KLF8: variants seen among roughly 807,000 people sequenced by gnomAD.
KLF8 encodes KLF transcription factor 8, also known as Krueppel-like factor 8.
In KLF8, 10 loss-of-function variants were observed where a neutral mutation model predicts 18.2. The ratio of observed to expected loss-of-function variants is 0.55; its 90% CI spans 0.34 to 0.93. The LOEUF is 0.93. KLF8 is among the 40% of genes least tolerant of loss of function. The probability of loss-of-function intolerance (pLI) is 0.02; values close to 1 mark genes in which losing one functional copy is unlikely to be tolerated. For synonymous variants in KLF8, 109 were observed against 97.3 expected (o/e 1.12, Z -0.71); for missense variants, 264 against 277.9 (o/e 0.95, Z 0.36).
chrX:56,194,034 G>A, the KLF8 span, among the ~76,000 whole-genome samples: 1 of 111,926 alleles, frequency 8.9e-6, no homozygotes, highest in African/African-American at 3.2e-5. Flanking sequence ...TTACCCTGAT[G>A]TGATTACTGT....
At chrX:56,130,178 T>C in the KLF8 span, among the ~76,000 whole-genome samples, 1 of 111,462 alleles carries the variant, frequency 9.0e-6, no homozygotes. Context: ...CTTGAAATCC[T>C]CACCTCCTGG....
upstream of KLF8, among the ~76,000 whole-genome samples, chrX:56,231,308 CTAAG>C (rs1184307866): frequency 3.6e-5 from 4 of 111,759 alleles, no homozygotes; most frequent in South Asian, 7.5e-4. Flanking sequence ...GAAATATCAA[CTAAG>C]TAAGTAGACC....
the KLF8 span, among the ~76,000 whole-genome samples, chrX:56,140,102 A>C: frequency 6.5e-4 from 73 of 112,475 alleles, 1 homozygote; most frequent in East Asian, 0.019. Flanking sequence ...GAAGTCAAAA[A>C]ATAACTGTTG....
In KLF8 at chrX:56,270,247, A is replaced by G. The variant is rs745593957; in HGVS notation, c.824A>G (p.Gln275Arg). 2 of 1,205,611 alleles carry G rather than the reference A, an allele frequency of 1.7e-6. No homozygotes were observed. Among genetic ancestry groups the G allele is most frequent in the East Asian group, 6.0e-5 (2 of 33,589 alleles). Residue 275 changes from glutamine to arginine, a missense_variant, in exon 5 of 6, where the codon CAA becomes CGA. Physicochemically the swap from Gln to Arg is conservative, Grantham distance 43 (BLOSUM62 1). This residue lies in a region of KLF8 where 43 missense variants were observed against 84.3 expected (regional missense o/e 0.51). Coordinates refer to ENST00000468660, the MANE Select transcript of KLF8 (RefSeq NM_007250.5). ...SLDLKRRRIH[Q>R]CDFAGCSKVY... ...GACTTGAAGAGAAGACGGATTCACC[A>G]ATGTGACTTTGCAGGATGCAGCAAA...
chrX:56,064,577 A>G, the KLF8 span, among the ~76,000 whole-genome samples: 3 of 110,898 alleles, frequency 2.7e-5, no homozygotes, highest in Non-Finnish European at 5.7e-5. Flanking sequence ...TCGTTGTTTT[A>G]TATATTCTTT....
chrX:55,998,525 A>C, the KLF8 span, among the ~76,000 whole-genome samples: 1 of 112,537 alleles, frequency 8.9e-6, no homozygotes. Flanking sequence ...GCATCTGTTT[A>C]ACAAAGCACA....
At chrX:55,966,329 A>T in the KLF8 span, among the ~76,000 whole-genome samples, 1 of 112,284 alleles carries the variant, frequency 8.9e-6, no homozygotes, top group Admixed American at 9.4e-5. Context: ...TGCTGGCTTC[A>T]GGTCTGTCCC....
At chrX:56,174,476 T>C in the KLF8 span, among the ~76,000 whole-genome samples, 7 of 112,078 alleles carry the variant, frequency 6.2e-5, no homozygotes, top group African/African-American at 2.3e-4. Context: ...AGCTTTTTGA[T>C]GTGCTGCTGG....
the KLF8 span, among the ~76,000 whole-genome samples, chrX:55,974,474 T>C: frequency 8.9e-6 from 1 of 111,816 alleles, no homozygotes; most frequent in Non-Finnish European, 1.9e-5. Context: ...AAAATAGAGA[T>C]AGTGTAGGTG....
At chrX:56,199,187 T>A in the KLF8 span, among the ~76,000 whole-genome samples, 1 of 111,946 alleles carries the variant, frequency 8.9e-6, no homozygotes, top group Non-Finnish European at 1.9e-5. Flanking sequence ...TGGCAAGGAC[T>A]TCCTGACTAA....
the KLF8 span, among the ~76,000 whole-genome samples, chrX:56,195,077 G>A: frequency 8.9e-6 from 1 of 111,904 alleles, no homozygotes; most frequent in Middle Eastern, 4.6e-3. Context: ...CCATCTGTAA[G>A]TCACCAACAT....
chrX:55,987,375 G>A, the KLF8 span, among the ~76,000 whole-genome samples: 2 of 109,080 alleles, frequency 1.8e-5, no homozygotes, highest in African/African-American at 6.7e-5. Flanking sequence ...AACAGGCCCC[G>A]GGGTGTGATG....
chrX:56,023,429 A>G, the KLF8 span, among the ~76,000 whole-genome samples: 1 of 112,034 alleles, frequency 8.9e-6, no homozygotes, highest in Non-Finnish European at 1.9e-5. Flanking sequence ...ACAAACAAAG[A>G]CACAAACAGG....
the KLF8 span, among the ~76,000 whole-genome samples, chrX:56,034,122 T>C: frequency 3.6e-5 from 4 of 112,306 alleles, no homozygotes; most frequent in Non-Finnish European, 5.6e-5. Flanking sequence ...CTGCTATATT[T>C]TCTTTTAGTA....
chrX:56,147,328 A>G, the KLF8 span, among the ~76,000 whole-genome samples: 25 of 111,968 alleles, frequency 2.2e-4, no homozygotes, highest in African/African-American at 8.1e-4. Flanking sequence ...TCTGGGAAAG[A>G]TTGATTTGAC....
chrX:56,160,868 T>C, the KLF8 span, among the ~76,000 whole-genome samples: 1 of 111,624 alleles, frequency 9.0e-6, no homozygotes, highest in Admixed American at 9.6e-5. Context: ...GTCTTTTAAT[T>C]GGAGCATCTA....
Position 56,285,171 on chromosome X carries a change from C to A in KLF8, c.*677C>A, listed in dbSNP as rs1016585992. The stretch of plus-strand genomic sequence containing the variant: ...GGGAATGAGGAGTTCTTGTCCTTCT[C>A]CTCCTCTTTTTTTTCTTTTCCACTT... On this transcript the variant is annotated 3_prime_UTR_variant, in exon 6 of 6. Coordinates refer to ENST00000468660, the MANE Select transcript of KLF8 (RefSeq NM_007250.5). 8.9e-6 allele frequency: 1 copy of A among 112,184 alleles called. No homozygotes were observed. The highest frequency in any genetic ancestry group is 1.9e-5 in the Non-Finnish European group (1 of 53,282). The allele number at this position is 112,184 out of a possible 1,213,427, so 9.2% of individuals were successfully genotyped here.
chrX:55,976,780 A>C, the KLF8 span, among the ~76,000 whole-genome samples: 1 of 111,567 alleles, frequency 9.0e-6, no homozygotes, highest in Admixed American at 9.6e-5. Context: ...ATATCTTTCC[A>C]TTTATTTGTG....
chrX:56,291,329 A>C lies in KLF8; in HGVS notation c.*6835A>C. Among the ~76,000 whole-genome samples the C allele has an allele frequency of 9.0e-6, 1 of 111,149 alleles. No homozygotes were observed. The highest frequency in any genetic ancestry group is 1.9e-5 in the Non-Finnish European group (1 of 52,958). On this transcript the variant is annotated 3_prime_UTR_variant, in exon 6 of 6. Coordinates refer to ENST00000468660, the MANE Select transcript of KLF8 (RefSeq NM_007250.5). ...GGCTTTGAGGCTAGAATCATGAGCA[A>C]TCTCTCATAAACAAGTCTGTTATGC...
Sources: gnomAD v4.1 joint callset for allele counts (sites outside exome capture counted in the v4.1 genomes callset) on GRCh38, gnomAD v4.1.1 for gene constraint, gnomAD v4.1.1 regional missense constraint, MANE v1.5 for transcripts, NCBI Gene and HGNC (gene_info 2026-07-23, HGNC 2026-07-21) for gene names.